KLC1: variants seen among roughly 807,000 people sequenced by gnomAD.
KLC1 encodes kinesin 2 60/70kDa.
A neutral mutation model predicts 84.2 loss-of-function variants in KLC1; 30 were observed. The observed-to-expected ratio is 0.36, with a 90% CI of 0.27 to 0.48. KLC1 has a LOEUF of 0.48. KLC1 is among the 20% of genes least tolerant of loss of function. KLC1 has a pLI of 0.99. For synonymous variants in KLC1, 289 were observed against 293.3 expected (o/e 0.99, Z 0.15); for missense variants, 499 against 805.4 (o/e 0.62, Z 4.60).
intron 4 of KLC1, 104 bp downstream of exon 4, chr14:103,662,298 C>T (rs2079361631): frequency 3.2e-6 from 3 of 930,462 alleles, no homozygotes; most frequent in East Asian, 4.8e-5. Context: ...ATGCGGCCTG[C>T]CTGGAGGAAG....
intron 15 of KLC1, chr14:103,698,969 G>C (rs757288071): frequency 5.6e-6 from 9 of 1,599,116 alleles, no homozygotes; most frequent in Non-Finnish European, 6.8e-6. Flanking sequence ...CCAGGAGCTG[G>C]TTAGCCCAGG....
Position 103,693,613 on chromosome 14 carries a change from C to T in KLC1, c.1848+1188C>T. Reference sequence around the variant, plus strand: ...GAGTGCCAGCCACACTGACCTGGCCCACTGAGAGCCAGCAGGGCTAGGTAA... The same window carrying T: ...GAGTGCCAGCCACACTGACCTGGCCTACTGAGAGCCAGCAGGGCTAGGTAA... On this transcript the variant is annotated intron_variant, in intron 15 of 16. Coordinates refer to ENST00000334553, the MANE Select transcript of KLC1 (RefSeq NM_001394837.1). This position sits in a 1 kb window ranked among gnomAD's most constrained non-coding sequence, Gnocchi z 5.1. 1 of 1,536,046 alleles carries T rather than the reference C, an allele frequency of 6.5e-7. No individual in the cohort carries two copies. The highest frequency in any genetic ancestry group is 8.7e-7 in the Non-Finnish European group (1 of 1,146,904).
intron 1 of KLC1, among the ~76,000 whole-genome samples, chr14:103,630,247 TAAAG>T (rs1178117283): frequency 2.0e-5 from 3 of 151,648 alleles, no homozygotes; most frequent in African/African-American, 7.2e-5. Flanking sequence ...AAAATTAAAA[TAAAG>T]CGTAAAAGTA....
chr14:103,695,214 A>G, intron 15 of KLC1: 8 of 800,342 alleles, frequency 1.0e-5, no homozygotes, highest in Non-Finnish European at 1.2e-5. Flanking sequence ...CTATAATCTT[A>G]GCACTTTGGG....
chr14:103,692,696 TTAATG>T (rs1234108592), intron 15 of KLC1, among the ~76,000 whole-genome samples: 3 of 152,246 alleles, frequency 2.0e-5, no homozygotes, highest in African/African-American at 7.2e-5. Flanking sequence ...TTTAACCTAA[TTAATG>T]TATTCTGTTA....
chr14:103,643,394 G>A (rs1473212330), intron 1 of KLC1, among the ~76,000 whole-genome samples: 1 of 152,178 alleles, frequency 6.6e-6, no homozygotes, highest in African/African-American at 2.4e-5. Flanking sequence ...TGAGCCAGGT[G>A]GTCGAGGCTG....
At position 103,645,158 on chromosome 14, in the gene KLC1, A is replaced by T. The variant is rs935405610; in HGVS notation, c.-1-9406A>T. 3.3e-5 allele frequency among the ~76,000 whole-genome samples: 5 copies of T among 152,094 alleles called. No individual in the cohort carries two copies. In the East Asian group the frequency reaches 5.8e-4, roughly 18 times the overall value. On this transcript the variant is annotated intron_variant, in intron 1 of 16. Transcript: ENST00000334553. ...CTGGCTAATTTTGTATTTGTAGTAGAGTCGGGGTTTCTCCATGTTTGCTAG... is the reference window on the plus strand; with the variant it reads ...CTGGCTAATTTTGTATTTGTAGTAGTGTCGGGGTTTCTCCATGTTTGCTAG...
At position 103,700,722 on chromosome 14, in the gene KLC1, G is replaced by T. The variant is rs145276490; in HGVS notation, c.1916G>T (p.Arg639Leu). Reference sequence around the variant, plus strand: ...CAGCAGTGGCCTGGAAGACGCCACCGCTAACGTGAGTCCCACGGCCTGCAG... The same window carrying T: ...CAGCAGTGGCCTGGAAGACGCCACCTCTAACGTGAGTCCCACGGCCTGCAG... ...QQQQWPGRRHR is the reference protein window; with the variant it reads ...QQQQWPGRRHL Residue 639 changes from arginine (R) to leucine (L), a missense_variant, in exon 16 of 17, where the codon CGC becomes CTC. By Grantham distance (102) the Arg-to-Leu change is moderately radical. Coordinates refer to ENST00000334553, the MANE Select transcript of KLC1 (RefSeq NM_001394837.1). 3 of 1,597,092 alleles carry T rather than the reference G, an allele frequency of 1.9e-6. No homozygotes were observed. Among genetic ancestry groups the T allele is most frequent in the Admixed American group, 1.8e-5 (1 of 57,010 alleles).
chr14:103,636,002 A>C (rs1011287297), intron 1 of KLC1, among the ~76,000 whole-genome samples: 1 of 152,074 alleles, frequency 6.6e-6, no homozygotes, highest in Non-Finnish European at 1.5e-5. Context: ...ACCTCGCGCC[A>C]CTTCAATTTT....
intron 7 of KLC1, among the ~76,000 whole-genome samples, chr14:103,670,601 C>G (rs965021937): frequency 2.0e-5 from 3 of 151,494 alleles, no homozygotes; most frequent in African/African-American, 7.3e-5. Flanking sequence ...TCCCAAAGTG[C>G]TGGGATTACA....
At chr14:103,649,217 A>G (rs149854682) in intron 1 of KLC1, among the ~76,000 whole-genome samples, 1 of 152,126 alleles carries the variant, frequency 6.6e-6, no homozygotes, top group East Asian at 1.9e-4. Context: ...GAATTGCTTG[A>G]GTCTAGGAGT....
At chr14:103,637,523 C>CT (rs754150201) in intron 1 of KLC1, among the ~76,000 whole-genome samples, 1 of 149,254 alleles carries the variant, frequency 6.7e-6, no homozygotes, top group South Asian at 2.1e-4. Flanking sequence ...GAGTGAGACT[C>CT]TGTTTCAAAA....
chr14:103,630,005 C>T (rs1175068943), intron 1 of KLC1, among the ~76,000 whole-genome samples: 1 of 152,236 alleles, frequency 6.6e-6, no homozygotes, highest in Non-Finnish European at 1.5e-5. Context: ...CCTCTCCCGG[C>T]ACCGCCCTGA....
chr14:103,688,980 C>T (rs861547), intron 14 of KLC1, among the ~76,000 whole-genome samples: 89,230 of 152,032 alleles, frequency 0.59, 27,741 homozygotes, highest in Non-Finnish European at 0.71. Context: ...TGATAGATTA[C>T]TATCTGCCTC....
chr14:103,676,064 C>T (rs776879175), intron 11 of KLC1, among the ~76,000 whole-genome samples: 6 of 151,764 alleles, frequency 4.0e-5, no homozygotes, highest in Non-Finnish European at 7.4e-5. Flanking sequence ...AAAGCCAGCC[C>T]CTCACACACA....
At chr14:103,699,297 C>G in intron 15 of KLC1, 1 of 1,546,524 alleles carries the variant, frequency 6.5e-7, no homozygotes, top group Non-Finnish European at 8.7e-7. Flanking sequence ...CACCTCCAGA[C>G]CGGCTCTGCT....
intron 15 of KLC1, chr14:103,695,136 G>C (rs2082348510): frequency 1.0e-6 from 1 of 976,520 alleles, no homozygotes; most frequent in Admixed American, 6.3e-5. Flanking sequence ...TAGTGGATGG[G>C]ATTAAAAGAA....
intron 3 of KLC1, among the ~76,000 whole-genome samples, chr14:103,659,077 A>G (rs1379920298): frequency 1.3e-5 from 2 of 151,944 alleles, no homozygotes; most frequent in Non-Finnish European, 2.9e-5. Flanking sequence ...TCCTGGGTTC[A>G]AGCGATTCTC....
rs945685532 is a variant in KLC1 at position 103,693,338 on chromosome 14, A to G, written c.1848+913A>G. ...TTGAAGCACCCCTAATGACAAGAGG[A>G]AAGAAAGTCTCTTCATTTTACAGGG... On this transcript the variant is annotated intron_variant, in intron 15 of 16. Transcript: ENST00000334553. The surrounding 1 kb of genome is among the most constrained non-coding windows in gnomAD (Gnocchi z 5.1). Among the ~76,000 whole-genome samples, 4 of 152,092 alleles carry G rather than the reference A, an allele frequency of 2.6e-5. No homozygotes were observed. Among genetic ancestry groups the G allele is most frequent in the South Asian group, 2.1e-4 (1 of 4,810 alleles).
Sources: gnomAD v4.1 joint callset for allele counts (sites outside exome capture counted in the v4.1 genomes callset) on GRCh38, gnomAD v4.1.1 for gene constraint, Gnocchi (gnomAD v3.1) non-coding constraint, MANE v1.5 for transcripts, NCBI Gene and HGNC (gene_info 2026-07-23, HGNC 2026-07-21) for gene names.